Variants in CENPP observed in about 807,000 individuals in gnomAD.
CENPP encodes centromere protein P.
A neutral mutation model predicts 35.6 loss-of-function variants in CENPP; 24 were observed. That is an observed-to-expected ratio of 0.67 (90% CI 0.49 to 0.95). CENPP has a LOEUF of 0.95. CENPP is among the 40% of genes least tolerant of loss of function. The pLI is 0.00. For missense variants in CENPP, 332 were observed against 345.3 expected, an observed-to-expected ratio of 0.96 and a Z score of 0.31; for synonymous variants, 120 against 125.5, an observed-to-expected ratio of 0.96 and a Z score of 0.29.
chr9:92,350,232 G>A (rs1564272822), intron 4 of CENPP, among the ~76,000 whole-genome samples: 2 of 152,126 alleles, frequency 1.3e-5, no homozygotes, highest in Non-Finnish European at 2.9e-5. Context: ...ATTGAAATGG[G>A]TTACTGCCAA....
chr9:92,591,884 T>G (rs981716453), intron 5 of CENPP, among the ~76,000 whole-genome samples: 1 of 152,218 alleles, frequency 6.6e-6, no homozygotes, highest in African/African-American at 2.4e-5. Context: ...ATTTATTATC[T>G]GTCTTTTCCA....
At chr9:92,587,221 G>C (rs1850561193) in intron 5 of CENPP, among the ~76,000 whole-genome samples, 1 of 152,242 alleles carries the variant, frequency 6.6e-6, no homozygotes, top group Non-Finnish European at 1.5e-5. Context: ...TGTAATCCCA[G>C]CACTTTGGGA....
chr9:92,341,272 G>A (rs1351085413), intron 3 of CENPP, among the ~76,000 whole-genome samples: 2 of 152,072 alleles, frequency 1.3e-5, no homozygotes, highest in African/African-American at 4.8e-5. Flanking sequence ...TTTCGCCTTG[G>A]TCCTGTGGTC....
intron 4 of CENPP, among the ~76,000 whole-genome samples, chr9:92,375,875 A>C (rs1842115164): frequency 6.7e-6 from 1 of 148,502 alleles, no homozygotes. Context: ...TTTTCCTATG[A>C]CTGGGCCATA....
chr9:92,328,068 T>C (rs1016830448), intron 1 of CENPP, among the ~76,000 whole-genome samples: 1 of 152,182 alleles, frequency 6.6e-6, no homozygotes, highest in Non-Finnish European at 1.5e-5. Context: ...TTAAGGTTTC[T>C]TTGGGGTCCC....
intron 5 of CENPP, among the ~76,000 whole-genome samples, chr9:92,572,279 G>T (rs1378522071): frequency 6.6e-6 from 1 of 152,132 alleles, no homozygotes; most frequent in Non-Finnish European, 1.5e-5. Flanking sequence ...TGTAAGGCAG[G>T]CCTGGCAGTG....
At chr9:92,502,504 TG>T (rs763931445) in intron 5 of CENPP, 9 of 1,611,580 alleles carry the variant, frequency 5.6e-6, no homozygotes, top group East Asian at 4.5e-5. Flanking sequence ...AATTGTAGCA[TG>T]TACTTACTCT....
At chr9:92,591,383 C>T (rs1473551597) in intron 5 of CENPP, among the ~76,000 whole-genome samples, 7 of 151,790 alleles carry the variant, frequency 4.6e-5, no homozygotes, top group Non-Finnish European at 1.0e-4. Context: ...TGCGCCACTG[C>T]ACTCCAGCCT....
chr9:92,603,591 C>A (rs1850988364), intron 5 of CENPP, among the ~76,000 whole-genome samples: 1 of 152,176 alleles, frequency 6.6e-6, no homozygotes, highest in Non-Finnish European at 1.5e-5. Flanking sequence ...GATCCCTGTG[C>A]ACTTCCCCAC....
chr9:92,426,549 G>A (rs1362558650), intron 5 of CENPP, among the ~76,000 whole-genome samples: 1 of 152,176 alleles, frequency 6.6e-6, no homozygotes, highest in Non-Finnish European at 1.5e-5. Context: ...ACAATGTAGA[G>A]TGCGATGGAA....
intron 5 of CENPP, among the ~76,000 whole-genome samples, chr9:92,578,667 T>C (rs1475029908): frequency 6.6e-6 from 1 of 152,114 alleles, no homozygotes; most frequent in Admixed American, 6.6e-5. Context: ...TTCTTGTAAA[T>C]TTGTTGGAGT....
chr9:92,428,976 CTTG>C (rs1294936501), intron 5 of CENPP, among the ~76,000 whole-genome samples: 2 of 152,082 alleles, frequency 1.3e-5, no homozygotes, highest in Admixed American at 6.6e-5. Flanking sequence ...ACCTCTCAAT[CTTG>C]TTGTTAGCTA....
chr9:92,340,072 T>G (rs1390665504), intron 3 of CENPP: 1 of 153,772 alleles, frequency 6.5e-6, no homozygotes, highest in Non-Finnish European at 1.5e-5. Flanking sequence ...CTAGTATATA[T>G]GTCCAGGAAA....
chr9:92,551,483 A>C (rs1257308068), intron 5 of CENPP, among the ~76,000 whole-genome samples: 1 of 152,164 alleles, frequency 6.6e-6, no homozygotes, highest in Admixed American at 6.6e-5. Flanking sequence ...GACTACGGGC[A>C]CATACCACCA....
chr9:92,329,471 C>T (rs1484212647), intron 1 of CENPP, among the ~76,000 whole-genome samples: 3 of 152,142 alleles, frequency 2.0e-5, no homozygotes, highest in African/African-American at 7.2e-5. Context: ...CGTGAGCCAC[C>T]GTGCCCGGCC....
intron 5 of CENPP, among the ~76,000 whole-genome samples, chr9:92,462,526 A>T (rs1845153052): frequency 6.6e-6 from 1 of 152,200 alleles, no homozygotes; most frequent in South Asian, 2.1e-4. Context: ...GCTAGCTGGA[A>T]AATGCTCTCC....
At chr9:92,359,466 G>T (rs1447434933) in intron 4 of CENPP, among the ~76,000 whole-genome samples, 1 of 151,874 alleles carries the variant, frequency 6.6e-6, no homozygotes, top group Non-Finnish European at 1.5e-5. Context: ...TAAACTTAAG[G>T]TCTTCTCAGT....
intron 3 of CENPP, 29 bp from the exon 4 acceptor site, chr9:92,345,670 T>C: frequency 1.6e-6 from 2 of 1,285,526 alleles, no homozygotes; most frequent in Non-Finnish European, 2.2e-6. Context: ...TACTGTGCTT[T>C]GATACAGAAA....
intron 5 of CENPP, among the ~76,000 whole-genome samples, chr9:92,511,426 G>GTTTT (rs35306473): frequency 6.9e-6 from 1 of 144,660 alleles, no homozygotes; most frequent in Non-Finnish European, 1.5e-5. Context: ...TGCCTGGCCT[G>GTTTT]TTTTTTTTTT....
Sources: gnomAD v4.1 joint callset for allele counts (sites outside exome capture counted in the v4.1 genomes callset) on GRCh38, gnomAD v4.1.1 for gene constraint, MANE v1.5 for transcripts, NCBI Gene and HGNC (gene_info 2026-07-23, HGNC 2026-07-21) for gene names.